The following RHCE variants were observed in gnomAD, a reference collection of about 807,000 sequenced individuals.
RHCE encodes the protein Rh blood group CcEe antigens, also known as blood group Rh(CE) polypeptide.
RHCE carries 22 observed loss-of-function variants against 43.8 expected under a neutral mutation model. The observed-to-expected ratio is 0.50, with a 90% confidence interval of 0.36 to 0.72. The LOEUF (loss-of-function observed/expected upper bound fraction) is 0.72, where lower values mean the gene tolerates loss of function less well. Among genes scored for constraint, RHCE ranks in the 30% least tolerant of loss-of-function variants. RHCE has a pLI of 0.00. For missense variants in RHCE, 385 were observed against 525.4 expected (o/e 0.73, Z 2.61); for synonymous variants, 156 against 210.7 (o/e 0.74, Z 2.25).
intron 3 of RHCE, among the ~76,000 whole-genome samples, chr1:25,392,451 G>A (rs1468090281): frequency 6.6e-6 from 1 of 152,052 alleles, no homozygotes; most frequent in African/African-American, 2.4e-5. Flanking sequence ...AGTAGAGATG[G>A]GGTTTCACCG....
rs1032345451 is a variant in RHCE, at chr1:25,409,282, G to T, written c.149-413C>A. ...GCCAACCCCCTGGCTGGGCACATGA[G>T]AAAATAAAGCCACAGAAGCCAAGTG... On this transcript the variant is annotated intron_variant, in intron 1 of 9. Coordinates refer to ENST00000294413, the MANE Select transcript of RHCE (RefSeq NM_020485.8). Among the ~76,000 whole-genome samples, 5 of 124,248 alleles carry T rather than the reference G, an allele frequency of 4.0e-5. 2 individuals carry two copies. The highest frequency in any genetic ancestry group is 1.3e-4 in the African/African-American group (5 of 39,762). The allele number at this position is 124,248 out of a possible 152,430, so 81.5% of individuals were successfully genotyped here.
In RHCE at chr1:25,408,829, G is replaced by A. The variant is rs1646990821; in HGVS notation, c.189C>T (p.Gly63=). 1.6e-6 allele frequency: 2 copies of A among 1,283,286 alleles called. 1 individual carries two copies. Among genetic ancestry groups the A allele is most frequent in the African/African-American group, 2.8e-5 (2 of 72,576 alleles). 79.5% of individuals were successfully genotyped at this position (1,283,286 alleles called of 1,614,324 possible). Residue 63 remains glycine (G), a synonymous_variant, in exon 2 of 10, where the codon GGC becomes GGT. Coordinates refer to ENST00000294413, the MANE Select transcript of RHCE (RefSeq NM_020485.8). ...GTCTCCGGAAATTTGAGGTGAGGAA[G>A]CCCAAGCCAAGGGCCGCCATCACGG... is the stretch of plus-strand genomic sequence containing the variant. ...DLTVMAALGL[G]FLTSNFRRHS...
At chr1:25,394,838 T>A (rs1571878999) in intron 3 of RHCE, among the ~76,000 whole-genome samples, 1 of 152,288 alleles carries the variant, frequency 6.6e-6, no homozygotes, top group East Asian at 1.9e-4. Flanking sequence ...ACTTGGGGAT[T>A]CTTGGCCTGG....
intron 4 of RHCE, among the ~76,000 whole-genome samples, chr1:25,391,457 G>T (rs567688298): frequency 6.6e-6 from 1 of 151,792 alleles, no homozygotes; most frequent in East Asian, 1.9e-4. Context: ...AAAGTGCTGG[G>T]ATTACAGGCT....
chr1:25,390,346 C>A (rs1044277253), intron 5 of RHCE, among the ~76,000 whole-genome samples: 12 of 152,164 alleles, frequency 7.9e-5, no homozygotes, highest in African/African-American at 2.9e-4. Context: ...GTGTCACATA[C>A]TTCTCTACTT....
intron 1 of RHCE, among the ~76,000 whole-genome samples, chr1:25,414,009 C>T (rs1252622537): frequency 6.6e-6 from 1 of 151,930 alleles, no homozygotes; most frequent in African/African-American, 2.4e-5. Flanking sequence ...TGAGATGAAA[C>T]AATGCCAGCT....
upstream of RHCE, among the ~76,000 whole-genome samples, chr1:25,424,973 C>T (rs145166486): frequency 6.7e-3 from 1,016 of 152,162 alleles, 13 homozygotes; most frequent in African/African-American, 0.022. Flanking sequence ...TGAGCCACCA[C>T]ACTGCGCTAA....
At chr1:25,391,136 C>A (rs1300600784) in intron 4 of RHCE, among the ~76,000 whole-genome samples, 1 of 152,092 alleles carries the variant, frequency 6.6e-6, no homozygotes, top group East Asian at 1.9e-4. Context: ...AATCTGCATA[C>A]CCCAGGCCTC....
At chr1:25,393,460 A>G (rs1375122052) in intron 3 of RHCE, among the ~76,000 whole-genome samples, 1 of 152,070 alleles carries the variant, frequency 6.6e-6, no homozygotes, top group Non-Finnish European at 1.5e-5. Flanking sequence ...GTCTCTACTA[A>G]AAATACAAAA....
chr1:25,424,042 C>T (rs1412068961), upstream of RHCE, among the ~76,000 whole-genome samples: 1 of 152,146 alleles, frequency 6.6e-6, no homozygotes, highest in Non-Finnish European at 1.5e-5. Flanking sequence ...AGTTCCCATC[C>T]CACCACTCCG....
intron 7 of RHCE, among the ~76,000 whole-genome samples, chr1:25,379,128 G>A (rs1645876617): frequency 6.6e-6 from 1 of 152,066 alleles, no homozygotes; most frequent in African/African-American, 2.4e-5. Flanking sequence ...CTAAGAGCAT[G>A]CTGCTGGCAT....
At chr1:25,392,308 C>T (rs1434673747) in intron 3 of RHCE, among the ~76,000 whole-genome samples, 167 bp from the exon 4 acceptor site, 1 of 152,220 alleles carries the variant, frequency 6.6e-6, no homozygotes, top group Non-Finnish European at 1.5e-5. Flanking sequence ...TTTGCCCAGG[C>T]TGGAGTGCAA....
At chr1:25,413,242 C>G (rs1466991886) in intron 1 of RHCE, among the ~76,000 whole-genome samples, 1 of 152,136 alleles carries the variant, frequency 6.6e-6, no homozygotes, top group Non-Finnish European at 1.5e-5. Context: ...TCATGCACCC[C>G]AAACTGGTCA....
chr1:25,416,271 A>T (rs1431435791), intron 1 of RHCE, among the ~76,000 whole-genome samples: 1 of 147,970 alleles, frequency 6.8e-6, no homozygotes, highest in African/African-American at 2.5e-5. Context: ...TTTTATTTTC[A>T]TTTTTTTTTT....
intron 6 of RHCE, among the ~76,000 whole-genome samples, chr1:25,386,956 A>AATCCG (rs368768671): frequency 2.0e-5 from 3 of 151,928 alleles, no homozygotes; most frequent in Admixed American, 6.6e-5. Context: ...ACTTGAACCC[A>AATCCG]GGAGGTGGAG....
chr1:25,423,849 G>C (rs1262176785), upstream of RHCE, among the ~76,000 whole-genome samples: 1 of 152,104 alleles, frequency 6.6e-6, no homozygotes, highest in African/African-American at 2.4e-5. Context: ...TTTGGTAGAT[G>C]TTTGAAATTT....
chr1:25,391,477 A>G (rs1013216784), intron 4 of RHCE, among the ~76,000 whole-genome samples: 2 of 148,828 alleles, frequency 1.3e-5, no homozygotes, highest in African/African-American at 5.0e-5. Flanking sequence ...TTGAGCCACC[A>G]CGCCTGGCCC....
rs1646790901 is a variant in RHCE, at chr1:25,402,635, A to G, written c.447T>C (p.Ala149=). The G allele has an allele frequency of 6.2e-7, 1 of 1,614,056 alleles. No individual in the cohort carries two copies. Residue 149 remains alanine, a synonymous_variant, in exon 3 of 10, where the codon GCT becomes GCC. Transcript: ENST00000294413. ...TGATGACCATCCTCAGGGTGCCTAA[A>G]GCTGTCACCTCCACCAGCACCATCA... is the stretch of plus-strand genomic sequence containing the variant. ...LVVMVLVEVT[A]LGTLRMVISN...
chr1:25,422,030 C>T (rs538224255), upstream of RHCE, among the ~76,000 whole-genome samples: 409 of 152,184 alleles, frequency 2.7e-3, 1 homozygote, highest in Non-Finnish European at 4.8e-3. Flanking sequence ...GAAAACAATT[C>T]CTATGTAGAT....
Sources: gnomAD v4.1 joint callset for allele counts (sites outside exome capture counted in the v4.1 genomes callset) on GRCh38, gnomAD v4.1.1 for gene constraint, MANE v1.5 for transcripts, NCBI Gene and HGNC (gene_info 2026-07-23, HGNC 2026-07-21) for gene names.